The following CCDC192 variants were observed in gnomAD, a reference collection of about 807,000 sequenced individuals.
The protein encoded by CCDC192 is coiled-coil domain containing 192.
At chr5:127,766,551 A>T (rs965599697) in intron 3 of CCDC192, among the ~76,000 whole-genome samples, 1 of 148,822 alleles carries the variant, frequency 6.7e-6, no homozygotes, top group African/African-American at 2.5e-5. Flanking sequence ...CCCATCCAAG[A>T]TGTCTACTTC....
At chr5:127,882,318 C>T (rs903188591) in intron 6 of CCDC192, among the ~76,000 whole-genome samples, 6 of 152,072 alleles carry the variant, frequency 3.9e-5, no homozygotes, top group Non-Finnish European at 5.9e-5. Context: ...ATTTCTTTGC[C>T]GACACCCCAG....
chr5:127,816,501 A>C (rs1287446417), intron 5 of CCDC192, among the ~76,000 whole-genome samples: 1 of 152,212 alleles, frequency 6.6e-6, no homozygotes, highest in Non-Finnish European at 1.5e-5. Flanking sequence ...CTCACTCTCC[A>C]GGAGAGCCAG....
chr5:127,809,076 G>A (rs1485654003), intron 5 of CCDC192, among the ~76,000 whole-genome samples: 1 of 152,062 alleles, frequency 6.6e-6, no homozygotes, highest in Non-Finnish European at 1.5e-5. Context: ...AGGGGATACA[G>A]CCTGTTACTT....
chr5:127,858,952 T>C (rs1386791022), intron 5 of CCDC192, among the ~76,000 whole-genome samples: 1 of 152,148 alleles, frequency 6.6e-6, no homozygotes, highest in Non-Finnish European at 1.5e-5. Flanking sequence ...AAAAACACTG[T>C]CACATAAAAA....
intron 3 of CCDC192, among the ~76,000 whole-genome samples, chr5:127,769,016 G>T (rs1156740177): frequency 2.0e-5 from 3 of 152,234 alleles, no homozygotes; most frequent in Non-Finnish European, 2.9e-5. Context: ...TGTAGCATGA[G>T]CTCTACAAGG....
intron 6 of CCDC192, among the ~76,000 whole-genome samples, chr5:127,923,736 T>C (rs2127193234): frequency 6.6e-6 from 1 of 152,328 alleles, no homozygotes; most frequent in Admixed American, 6.5e-5. Flanking sequence ...CAAGGGCTGC[T>C]TTAGGAATAT....
At chr5:127,729,870 A>T (rs1043282560) in intron 2 of CCDC192, among the ~76,000 whole-genome samples, 1 of 152,234 alleles carries the variant, frequency 6.6e-6, no homozygotes, top group South Asian at 2.1e-4. Flanking sequence ...CAGCTACAGT[A>T]GTGTTAAGAG....
intron 6 of CCDC192, among the ~76,000 whole-genome samples, chr5:127,932,825 G>C (rs1561557131): frequency 1.3e-5 from 2 of 152,252 alleles, no homozygotes; most frequent in Admixed American, 1.3e-4. Context: ...ATAAAAACCA[G>C]ATCTAGAATA....
At chr5:127,843,441 CT>C (rs35146997) in intron 5 of CCDC192, among the ~76,000 whole-genome samples, 3,838 of 129,102 alleles carry the variant, frequency 0.03, 100 homozygotes, top group African/African-American at 0.072. Context: ...AAGAATAACT[CT>C]TTTTTTTTTT....
At chr5:127,810,166 T>C (rs1223110343) in intron 5 of CCDC192, among the ~76,000 whole-genome samples, 1 of 152,214 alleles carries the variant, frequency 6.6e-6, no homozygotes, top group African/African-American at 2.4e-5. Flanking sequence ...ATTTCAGTGC[T>C]TACCACAATA....
chr5:127,751,762 T>C (rs1754187663), intron 2 of CCDC192, among the ~76,000 whole-genome samples: 1 of 152,210 alleles, frequency 6.6e-6, no homozygotes, highest in Non-Finnish European at 1.5e-5. Context: ...CAATCAGACG[T>C]AGATTTGGTC....
At chr5:127,782,991 G>A (rs1028850671) in intron 3 of CCDC192, among the ~76,000 whole-genome samples, 3 of 148,950 alleles carry the variant, frequency 2.0e-5, no homozygotes, top group Non-Finnish European at 4.5e-5. Flanking sequence ...GTATCTTAGA[G>A]GTGGGGTTTT....
chr5:127,886,876 G>A (rs1025147154), intron 6 of CCDC192, among the ~76,000 whole-genome samples: 1 of 152,166 alleles, frequency 6.6e-6, no homozygotes, highest in Non-Finnish European at 1.5e-5. Context: ...ATGAAAGGAT[G>A]CAAAGAGAAA....
chr5:127,923,512 G>A (rs1337070198), intron 6 of CCDC192, among the ~76,000 whole-genome samples: 1 of 151,974 alleles, frequency 6.6e-6, no homozygotes, highest in Non-Finnish European at 1.5e-5. Flanking sequence ...CGAGTAGCTG[G>A]GACTACAGGC....
chr5:127,836,755 C>T (rs1750054547), intron 5 of CCDC192, among the ~76,000 whole-genome samples: 1 of 59,348 alleles, frequency 1.7e-5, no homozygotes, highest in African/African-American at 5.6e-5. Flanking sequence ...CACCAAGTCC[C>T]AAGGCTGCAT....
chr5:127,913,206 A>G (rs1393445815), intron 6 of CCDC192, among the ~76,000 whole-genome samples: 12 of 152,218 alleles, frequency 7.9e-5, no homozygotes, highest in African/African-American at 2.7e-4. Context: ...AGACCAACAA[A>G]CTAAAGCCCA....
chr5:127,709,636 T>C (rs1171631604), intron 2 of CCDC192, among the ~76,000 whole-genome samples: 1 of 152,198 alleles, frequency 6.6e-6, no homozygotes, highest in Non-Finnish European at 1.5e-5. Flanking sequence ...GTGTTTCTCT[T>C]GAAGAAATAT....
chr5:127,717,928 CAAAA>C, intron 2 of CCDC192, among the ~76,000 whole-genome samples: 5 of 98,068 alleles, frequency 5.1e-5, no homozygotes, highest in African/African-American at 2.0e-4. Flanking sequence ...TAAAGCTAGA[CAAAA>C]AAAAAAAAAA....
At chr5:127,750,519 G>A (rs1329267646) in intron 2 of CCDC192, among the ~76,000 whole-genome samples, 2 of 151,584 alleles carry the variant, frequency 1.3e-5, no homozygotes, top group Admixed American at 6.6e-5. Flanking sequence ...TTGCTGAGGA[G>A]TGCTTTACTT....
Sources: gnomAD v4.1 joint callset for allele counts (sites outside exome capture counted in the v4.1 genomes callset) on GRCh38, gnomAD v4.1.1 for gene constraint, MANE v1.5 for transcripts, NCBI Gene and HGNC (gene_info 2026-07-23, HGNC 2026-07-21) for gene names.